ZNF257: variants seen among roughly 807,000 people sequenced by gnomAD.
ZNF257 encodes the protein zinc finger protein 257, also known as bone marrow zinc finger 4.
Under a neutral mutation model 11.9 loss-of-function variants are expected in ZNF257, and 12 were observed. The observed-to-expected ratio is 1.01, with a 90% CI of 0.65 to 1.63. ZNF257 has a LOEUF of 1.63. Ranked by LOEUF, ZNF257 falls within the 40% of genes most tolerant of loss-of-function variation. The pLI is 0.00. For synonymous variants in ZNF257, 183 were observed against 222.7 expected (o/e 0.82, Z 1.59); for missense variants, 580 against 665.5 (o/e 0.87, Z 1.41).
At position 22,088,445 on chromosome 19, in the gene ZNF257, A is replaced by G. The variant is rs747197662; in HGVS notation, c.695A>G (p.Glu232Gly). Residue 232 changes from glutamate (E) to glycine (G), a missense_variant, in exon 4 of 4, where the codon GAA becomes GGA. Transcript: ENST00000594947. ...THTGEKPYKC[E>G]ECGKAFNRSS... The stretch of plus-strand genomic sequence containing the variant: ...ACTGGAGAGAAACCCTACAAATGTG[A>G]AGAGTGTGGAAAAGCTTTTAACCGG... 2 of 1,613,656 alleles carry G rather than the reference A, an allele frequency of 1.2e-6. No homozygotes were observed. Among genetic ancestry groups the G allele is most frequent in the Non-Finnish European group, 1.7e-6 (2 of 1,179,826 alleles).
Position 22,091,126 on chromosome 19 carries a change from A to C in ZNF257, c.*1684A>C, listed in dbSNP as rs927680638. 4 of 152,148 alleles carry C rather than the reference A, an allele frequency of 2.6e-5. No individual in the cohort carries two copies. 9.4% of individuals were successfully genotyped at this position (152,148 alleles called of 1,614,324 possible). A position where few individuals can be genotyped will look rare whatever the true frequency, so the allele number is the denominator to read the frequency against. On this transcript the variant is annotated 3_prime_UTR_variant, in exon 4 of 4. Transcript: ENST00000594947. ...AAATTTTTAGATTATTTGTGGACTT[A>C]ATTTATAATTAAATATTTTCTTTTA...
chr19:22,080,356 G>A (rs749345512), intron 3 of ZNF257, among the ~76,000 whole-genome samples: 20 of 152,080 alleles, frequency 1.3e-4, no homozygotes, highest in Admixed American at 1.3e-4. Flanking sequence ...GCATGGGTTG[G>A]CACCATCCTC....
intron 1 of ZNF257, among the ~76,000 whole-genome samples, chr19:22,055,059 C>CT (rs991158447): frequency 2.7e-4 from 41 of 152,028 alleles, no homozygotes; most frequent in African/African-American, 9.9e-4. Context: ...CTTCACCCAA[C>CT]TCAGCTTCCA....
At chr19:22,073,623 G>A in intron 3 of ZNF257, 59 bp downstream of exon 3, 4 of 1,555,402 alleles carry the variant, frequency 2.6e-6, no homozygotes, top group South Asian at 2.4e-5. Flanking sequence ...CACAGGTCAA[G>A]GAGAAAGCAA....
intron 1 of ZNF257, among the ~76,000 whole-genome samples, chr19:22,059,197 AG>A (rs2145686270): frequency 6.6e-6 from 1 of 152,202 alleles, no homozygotes; most frequent in African/African-American, 2.4e-5. Flanking sequence ...TTTGTTATAT[AG>A]GTAAAATTGT....
At chr19:22,066,267 G>A (rs1030265662) in intron 1 of ZNF257, 17 of 152,498 alleles carry the variant, frequency 1.1e-4, no homozygotes, top group Admixed American at 9.8e-4. Flanking sequence ...AAATCCAGCA[G>A]TATTTTTTCA....
intron 3 of ZNF257, among the ~76,000 whole-genome samples, chr19:22,078,075 T>TA (rs373190118): frequency 0.12 from 17,372 of 142,774 alleles, 1,191 homozygotes; most frequent in Middle Eastern, 0.19. Context: ...CCGTCTCTAC[T>TA]AAAAAAAAAA....
rs555905414 is a variant in ZNF257 at position 22,077,638 on chromosome 19, A to G, written c.226+4074A>G. ...GGCTGAATAATATTTCATTGTATTT[A>G]GGTATTACATTTTTCAATGTGTTTC... On this transcript the variant is annotated intron_variant, in intron 3 of 3. Transcript: ENST00000594947. Among the ~76,000 whole-genome samples, 49 of 152,190 alleles carry G rather than the reference A, an allele frequency of 3.2e-4. 1 individual carries two copies. Among genetic ancestry groups the G allele is most frequent in the African/African-American group, 1.2e-3 (49 of 41,500 alleles).
chr19:22,068,318 TA>T (rs1243317840), intron 1 of ZNF257, among the ~76,000 whole-genome samples: 1 of 152,106 alleles, frequency 6.6e-6, no homozygotes, highest in African/African-American at 2.4e-5. Context: ...TTTTTCTTTT[TA>T]GGCAGACATA....
rs764041691 is a variant in ZNF257, at chr19:22,073,465, A to G, written c.131-4A>G. On this transcript the variant is annotated splice_region_variant and splice_polypyrimidine_tract_variant and intron_variant, in intron 2 of 3. Transcript: ENST00000594947. Reference sequence around the variant, plus strand: ...GATGCGTGTTACTTATTTTTAAAAAACAGGTATTGCTGTCTCTAAGCCAGA... The same window carrying G: ...GATGCGTGTTACTTATTTTTAAAAAGCAGGTATTGCTGTCTCTAAGCCAGA... The G allele has an allele frequency of 6.2e-7, 1 of 1,602,506 alleles. No individual in the cohort carries two copies. The highest frequency in any genetic ancestry group is 1.1e-5 in the South Asian group (1 of 88,640).
rs201559003 is a variant in ZNF257, at chr19:22,080,586, CT to C, written c.226+7033del. 4.6e-3 allele frequency among the ~76,000 whole-genome samples: 667 copies of C among 143,484 alleles called. 8 individuals carry two copies. The highest frequency in any genetic ancestry group is 0.015 in the African/African-American group (587 of 39,442). 94.1% of individuals were successfully genotyped at this position (143,484 alleles called of 152,430 possible). A position where few individuals can be genotyped will look rare whatever the true frequency, so the allele number is the denominator to read the frequency against. On this transcript the variant is annotated intron_variant, in intron 3 of 3. Coordinates refer to ENST00000594947, the MANE Select transcript of ZNF257 (RefSeq NM_033468.4). Reference sequence around the variant, plus strand: ...CAGTCTGCCGAACTGTGAGCCAAATCTTTTTTTTTTTAAATAAATTATCTAC... The same window carrying C: ...CAGTCTGCCGAACTGTGAGCCAAATCTTTTTTTTTTAAATAAATTATCTAC...
Position 22,089,030 on chromosome 19 carries a change from G to A in ZNF257, c.1280G>A (p.Gly427Glu), listed in dbSNP as rs754704484. The A allele has an allele frequency of 1.9e-6, 3 of 1,612,234 alleles. No individual in the cohort carries two copies. The highest frequency in any genetic ancestry group is 1.3e-5 in the African/African-American group (1 of 74,314). Residue 427 changes from glycine to glutamate, a missense_variant, in exon 4 of 4, where the codon GGA becomes GAA. Coordinates refer to ENST00000594947, the MANE Select transcript of ZNF257 (RefSeq NM_033468.4). Reference protein sequence around the residue: ...TLTQHKIIHTGEKPYKCEECG... With the variant: ...TLTQHKIIHTEEKPYKCEECG... The stretch of plus-strand genomic sequence containing the variant: ...ACTCAGCATAAGATAATTCATACTG[G>A]AGAGAAACCCTACAAATGTGAAGAG...
At chr19:22,056,054 C>CTAA (rs2021627128) in intron 1 of ZNF257, among the ~76,000 whole-genome samples, 1 of 116,674 alleles carries the variant, frequency 8.6e-6, no homozygotes, top group Non-Finnish European at 1.8e-5. Flanking sequence ...GACTCCGTCT[C>CTAA]AAAAAAAAAA....
At chr19:22,070,099 C>G (rs1316034132) in intron 1 of ZNF257, among the ~76,000 whole-genome samples, 1 of 151,586 alleles carries the variant, frequency 6.6e-6, no homozygotes, top group African/African-American at 2.4e-5. Flanking sequence ...TTCTGAAATC[C>G]AAAAGCAGAT....
chr19:22,064,834 T>A (rs1599662557), intron 1 of ZNF257, among the ~76,000 whole-genome samples: 1 of 152,136 alleles, frequency 6.6e-6, no homozygotes, highest in South Asian at 2.1e-4. Flanking sequence ...GGTGGGCAGA[T>A]CACGAGGTCA....
At chr19:22,056,867 A>G (rs4510150) in intron 1 of ZNF257, among the ~76,000 whole-genome samples, 36,111 of 152,064 alleles carry the variant, frequency 0.24, 5,834 homozygotes, top group African/African-American at 0.46. Context: ...GCTACCAAGG[A>G]AAAGAATAGA....
chr19:22,068,893 C>T (rs1182968931), intron 1 of ZNF257, among the ~76,000 whole-genome samples: 1 of 152,150 alleles, frequency 6.6e-6, no homozygotes, highest in Non-Finnish European at 1.5e-5. Flanking sequence ...GCCGTCAGCA[C>T]ACGGTCACTG....
chr19:22,068,276 A>T (rs1462717312), intron 1 of ZNF257, among the ~76,000 whole-genome samples: 2 of 151,874 alleles, frequency 1.3e-5, no homozygotes, highest in Non-Finnish European at 2.9e-5. Context: ...TGGAACAAAT[A>T]AACTGTCTAC....
intron 3 of ZNF257, 135 bp downstream of exon 3, chr19:22,073,699 A>ATT: frequency 2.3e-5 from 26 of 1,114,400 alleles, no homozygotes; most frequent in Admixed American, 8.5e-5. Flanking sequence ...CTGAGTTTGC[A>ATT]TTTTTTTTTT....
Sources: allele counts gnomAD v4.1 joint callset (sites outside exome capture counted in the v4.1 genomes callset), GRCh38; gene constraint gnomAD v4.1.1; transcripts MANE v1.5; gene names NCBI Gene and HGNC (gene_info 2026-07-23, HGNC 2026-07-21).